ZNF607: variants seen among roughly 807,000 people sequenced by gnomAD.
ZNF607 encodes zinc finger protein 607.
A neutral mutation model predicts 12.8 loss-of-function variants in ZNF607; 5 were observed. The ratio of observed to expected loss-of-function variants is 0.39; its 90% CI spans 0.20 to 0.82. ZNF607 has a LOEUF of 0.82. ZNF607 is among the 40% of genes least tolerant of loss of function. The pLI, the probability that ZNF607 is intolerant of heterozygous loss-of-function variation, is 0.39. For synonymous variants in ZNF607, 287 were observed against 276.2 expected, an observed-to-expected ratio of 1.04 and a Z score of -0.39; for missense variants, 851 against 859.2, an observed-to-expected ratio of 0.99 and a Z score of 0.12.
At chr19:37,703,696 C>CA (rs2045058353) in intron 4 of ZNF607, among the ~76,000 whole-genome samples, 1 of 152,090 alleles carries the variant, frequency 6.6e-6, no homozygotes, top group Non-Finnish European at 1.5e-5. Context: ...CAGGAGGACT[C>CA]AAGAAGGTGC....
rs1431119821 is a variant in ZNF607 at position 37,696,759 on chromosome 19, G to T, written c.*1281C>A. Reference sequence around the variant, plus strand: ...GGCCGTCCCCTGCAGTGGCCAGTGAGTTGGCGATCAGCTCAGCTGCCTTGG... The same window carrying T: ...GGCCGTCCCCTGCAGTGGCCAGTGATTTGGCGATCAGCTCAGCTGCCTTGG... On this transcript the variant is annotated 3_prime_UTR_variant, in exon 5 of 5. Coordinates refer to ENST00000355202, the MANE Select transcript of ZNF607 (RefSeq NM_032689.5). 6 of 1,310,612 alleles carry T rather than the reference G, an allele frequency of 4.6e-6. No individual in the cohort carries two copies. The African/African-American group carries it at 7.2e-5, about 16-fold the overall frequency. 81.2% of individuals were successfully genotyped at this position (1,310,612 alleles called of 1,614,324 possible).
rs767346894 is a variant in ZNF607, at chr19:37,709,767, T to C, written c.65A>G (p.Tyr22Cys). The C allele has an allele frequency of 6.2e-7, 1 of 1,614,166 alleles. No homozygotes were observed. The highest frequency in any genetic ancestry group is 8.5e-7 in the Non-Finnish European group (1 of 1,179,996). Residue 22 changes from tyrosine to cysteine, a missense_variant, in exon 3 of 5, where the codon TAT becomes TGT. Coordinates refer to ENST00000355202, the MANE Select transcript of ZNF607 (RefSeq NM_032689.5). ...CAAGGTCTTCTGAACCAGGCTGAGA[T>C]ATTCCCACTCCTGATGAGAGAAGTC... ...AIDFSHQEWE[Y>C]LSLVQKTLYQ...
intron 4 of ZNF607, among the ~76,000 whole-genome samples, chr19:37,706,028 C>T (rs572854026): frequency 7.9e-5 from 12 of 152,182 alleles, no homozygotes; most frequent in African/African-American, 2.4e-4. Flanking sequence ...TGGTGAAACC[C>T]TGTCTCTACT....
Position 37,697,976 on chromosome 19 carries a change from A to G in ZNF607, c.*64T>C, listed in dbSNP as rs1300777026. 39 of 1,432,688 alleles carry G rather than the reference A, an allele frequency of 2.7e-5. No individual in the cohort carries two copies. Among genetic ancestry groups the G allele is most frequent in the Non-Finnish European group, 1.6e-5 (17 of 1,069,102 alleles). 88.7% of individuals were successfully genotyped at this position (1,432,688 alleles called of 1,614,324 possible). The stretch of plus-strand genomic sequence containing the variant: ...CACATTGTCTTCATTCAAATTGTTC[A>G]GTGGGATAAATCCATTGACACAATG... On this transcript the variant is annotated 3_prime_UTR_variant, in exon 5 of 5. Transcript: ENST00000355202.
intron 1 of ZNF607, among the ~76,000 whole-genome samples, chr19:37,714,599 G>A (rs1203517027): frequency 6.7e-6 from 1 of 148,936 alleles, no homozygotes; most frequent in Non-Finnish European, 1.5e-5. Context: ...GCAAAAATTA[G>A]TTACGTGGTA....
At chr19:37,708,056 G>C in intron 3 of ZNF607, 44 bp from the exon 4 acceptor site, 2 of 1,520,538 alleles carry the variant, frequency 1.3e-6, no homozygotes, top group African/African-American at 2.8e-5. Context: ...AATCAACTTT[G>C]AAGGTAAAAT....
In ZNF607 at chr19:37,697,987, TC is replaced by T. The variant is rs2145220167; in HGVS notation, c.*52del. 15 of 1,475,802 alleles carry T rather than the reference TC, an allele frequency of 1.0e-5. No homozygotes were observed. The South Asian group carries it at 1.9e-4, about 19-fold the overall frequency. The allele number at this position is 1,475,802 out of a possible 1,614,324, so 91.4% of individuals were successfully genotyped here. A position where few individuals can be genotyped will look rare whatever the true frequency, so the allele number is the denominator to read the frequency against. On this transcript the variant is annotated 3_prime_UTR_variant, in exon 5 of 5. Transcript: ENST00000355202. ...CATTCAAATTGTTCAGTGGGATAAATCCATTGACACAATGTGCTTTCTTTAC... is the reference window on the plus strand; with the variant it reads ...CATTCAAATTGTTCAGTGGGATAAATCATTGACACAATGTGCTTTCTTTAC...
intron 1 of ZNF607, among the ~76,000 whole-genome samples, chr19:37,713,664 C>A (rs1482649096): frequency 6.6e-6 from 1 of 151,998 alleles, no homozygotes; most frequent in Non-Finnish European, 1.5e-5. Flanking sequence ...TGGTCTCAAA[C>A]TCTTGACCTC....
At chr19:37,705,576 T>A (rs1375795620) in intron 4 of ZNF607, among the ~76,000 whole-genome samples, 2 of 151,156 alleles carry the variant, frequency 1.3e-5, no homozygotes, top group African/African-American at 4.9e-5. Context: ...TCTCAGCCGC[T>A]TAGGAGGCTG....
chr19:37,719,369 C>A lies in ZNF607; in HGVS notation c.-175G>T, dbSNP rs1468775151. The A allele has an allele frequency of 6.5e-6, 1 of 152,860 alleles. No homozygotes were observed. The highest frequency in any genetic ancestry group is 2.4e-5 in the African/African-American group (1 of 41,470). The allele number at this position is 152,860 out of a possible 1,614,324, so 9.5% of individuals were successfully genotyped here. ...CCCCGCCTGTCTCCTAGAGACGGGC[C>A]CCTCCTCCGCAGCTCCAGCACCCTA... On this transcript the variant is annotated 5_prime_UTR_variant, in exon 1 of 5. Coordinates refer to ENST00000355202, the MANE Select transcript of ZNF607 (RefSeq NM_032689.5).
chr19:37,713,004 G>A (rs1426635933), intron 1 of ZNF607, among the ~76,000 whole-genome samples: 1 of 151,966 alleles, frequency 6.6e-6, no homozygotes, highest in African/African-American at 2.4e-5. Context: ...CTTAACAGAA[G>A]GGTTTATTTC....
chr19:37,696,974 C>T lies in ZNF607; in HGVS notation c.*1066G>A, dbSNP rs988131459. On this transcript the variant is annotated 3_prime_UTR_variant, in exon 5 of 5. Coordinates refer to ENST00000355202, the MANE Select transcript of ZNF607 (RefSeq NM_032689.5). ...TGCTCACCTGGCTGGAGACCAGCTC[C>T]CTCTGGGTGATTAGTTCTCCAGCAT... The T allele has an allele frequency of 1.0e-5, 7 of 702,244 alleles. No individual in the cohort carries two copies. Among genetic ancestry groups the T allele is most frequent in the African/African-American group, 8.8e-5 (5 of 57,142 alleles). 43.5% of individuals were successfully genotyped at this position (702,244 alleles called of 1,614,324 possible). A position where few individuals can be genotyped will look rare whatever the true frequency, so the allele number is the denominator to read the frequency against.
At chr19:37,711,552 C>T in intron 2 of ZNF607, 58 bp downstream of exon 2, 1 of 1,580,640 alleles carries the variant, frequency 6.3e-7, no homozygotes, top group South Asian at 1.1e-5. Context: ...GATGAGAAGA[C>T]ATACATGACC....
intron 3 of ZNF607, among the ~76,000 whole-genome samples, chr19:37,708,842 CTCA>C (rs2045108221): frequency 1.4e-5 from 1 of 73,070 alleles, no homozygotes; most frequent in Non-Finnish European, 3.3e-5. Flanking sequence ...AAGACTCTGT[CTCA>C]AAAAAAAAAA....
chr19:37,708,182 T>C lies in ZNF607; in HGVS notation c.137-170A>G, dbSNP rs576490020. ...AGGGAGAGTCAATGTTTTTGTTTGC[T>C]GGTTTTCAAAAAAAATTTTTTTTTT... On this transcript the variant is annotated intron_variant, in intron 3 of 4. Coordinates refer to ENST00000355202, the MANE Select transcript of ZNF607 (RefSeq NM_032689.5). 1.4e-4 allele frequency among the ~76,000 whole-genome samples: 21 copies of C among 151,858 alleles called. 1 individual carries two copies. The South Asian group carries it at 4.4e-3, about 32-fold the overall frequency.
chr19:37,715,141 A>C (rs1385295964), intron 1 of ZNF607, among the ~76,000 whole-genome samples: 1 of 151,508 alleles, frequency 6.6e-6, no homozygotes, highest in Non-Finnish European at 1.5e-5. Flanking sequence ...CTCCTGACTT[A>C]GTGATCTGCC....
At chr19:37,715,618 AGAT>A (rs1199636989) in intron 1 of ZNF607, among the ~76,000 whole-genome samples, 1 of 151,768 alleles carries the variant, frequency 6.6e-6, no homozygotes, top group African/African-American at 2.4e-5. Context: ...AAAAAAAAAA[AGAT>A]GATCAGATAA....
rs2045002890 is a variant in ZNF607, at chr19:37,698,600, C to T, written c.1531G>A (p.Gly511Arg). 3 of 1,613,894 alleles carry T rather than the reference C, an allele frequency of 1.9e-6. No homozygotes were observed. The highest frequency in any genetic ancestry group is 4.5e-5 in the East Asian group (2 of 44,824). Reference sequence around the variant, plus strand: ...TGTCCAGATACACTAAAGGCCTTCCCACATTCCTTACATTCATAAGGTTTC... The same window carrying T: ...TGTCCAGATACACTAAAGGCCTTCCTACATTCCTTACATTCATAAGGTTTC... ...GEKPYECKEC[G>R]KAFSVSGQLT... Residue 511 changes from glycine (G) to arginine (R), a missense_variant, in exon 5 of 5, where the codon GGG (glycine) becomes AGG (arginine). Coordinates refer to ENST00000355202, the MANE Select transcript of ZNF607 (RefSeq NM_032689.5).
intron 1 of ZNF607, among the ~76,000 whole-genome samples, chr19:37,714,305 G>A (rs1421619499): frequency 5.4e-5 from 5 of 93,042 alleles, no homozygotes; most frequent in African/African-American, 1.1e-4. Flanking sequence ...GCAAGACTCC[G>A]TCTCAAAACA....
Sources: gnomAD v4.1 joint callset for allele counts (sites outside exome capture counted in the v4.1 genomes callset) on GRCh38, gnomAD v4.1.1 for gene constraint, MANE v1.5 for transcripts, NCBI Gene and HGNC (gene_info 2026-07-23, HGNC 2026-07-21) for gene names.